Variants in PCSK6 observed in about 807,000 individuals in gnomAD.
PCSK6 encodes paired basic amino acid cleaving enzyme 4.
PCSK6 carries 85 observed loss-of-function variants against 123.3 expected under a neutral mutation model. The ratio of observed to expected loss-of-function variants is 0.69; its 90% CI spans 0.58 to 0.83. The LOEUF (loss-of-function observed/expected upper bound fraction) is 0.83, where lower values mean the gene tolerates loss of function less well. Among genes scored for constraint, PCSK6 ranks in the 40% least tolerant of loss-of-function variants. The pLI is 0.00. For missense variants in PCSK6, 1,191 were observed against 1,282.3 expected (o/e 0.93, Z 1.09); for synonymous variants, 508 against 516.0 (o/e 0.98, Z 0.21).
chr15:101,365,562 G>T (rs192136388), intron 13 of PCSK6, among the ~76,000 whole-genome samples: 8 of 151,876 alleles, frequency 5.3e-5, no homozygotes, highest in Non-Finnish European at 1.5e-5. Flanking sequence ...TTAGGTATAC[G>T]CCCACGAGAA....
chr15:101,356,588 A>T (rs2041049649), intron 13 of PCSK6, among the ~76,000 whole-genome samples: 2 of 151,604 alleles, frequency 1.3e-5, no homozygotes, highest in South Asian at 4.2e-4. Context: ...GCTGAGGCAG[A>T]AGAATCGCTT....
At chr15:101,428,436 C>T (rs2056334305) in intron 5 of PCSK6, among the ~76,000 whole-genome samples, 1 of 152,218 alleles carries the variant, frequency 6.6e-6, no homozygotes, top group East Asian at 1.9e-4. Flanking sequence ...GTGCTGATGT[C>T]ACCTGCCTCA....
chr15:101,336,326 T>C (rs904413094), intron 13 of PCSK6, among the ~76,000 whole-genome samples: 1 of 152,240 alleles, frequency 6.6e-6, no homozygotes, highest in Non-Finnish European at 1.5e-5. Context: ...GAATAGAGAC[T>C]GGCACGCAGG....
intron 17 of PCSK6, 101 bp downstream of exon 17, chr15:101,324,749 A>G: frequency 1.0e-6 from 1 of 998,288 alleles, no homozygotes; most frequent in East Asian, 2.4e-5. Context: ...AACAAAATAC[A>G]CGGAAGCAGA....
At chr15:101,320,067 A>T (rs2040081890) in intron 18 of PCSK6, among the ~76,000 whole-genome samples, 1 of 151,296 alleles carries the variant, frequency 6.6e-6, no homozygotes, top group South Asian at 2.1e-4. Flanking sequence ...TAGCGTCAGA[A>T]TTGAGCTATT....
intron 7 of PCSK6, among the ~76,000 whole-genome samples, chr15:101,397,288 T>C (rs1404192525): frequency 6.6e-6 from 1 of 151,780 alleles, no homozygotes; most frequent in East Asian, 1.9e-4. Context: ...TGAAAACAGA[T>C]TCCTCCTCCG....
intron 9 of PCSK6, among the ~76,000 whole-genome samples, chr15:101,386,738 T>A (rs947703850): frequency 6.6e-6 from 1 of 152,216 alleles, no homozygotes; most frequent in South Asian, 2.1e-4. Context: ...TCTTCGTCCA[T>A]CATGGACACT....
chr15:101,381,894 A>G (rs1235677029), intron 11 of PCSK6, among the ~76,000 whole-genome samples, 198 bp downstream of exon 11: 1 of 152,254 alleles, frequency 6.6e-6, no homozygotes, highest in Admixed American at 6.5e-5. Context: ...GCCTCAAAAC[A>G]GTGGTGGCTT....
chr15:101,457,045 C>T (rs1346441281), intron 1 of PCSK6, among the ~76,000 whole-genome samples: 2 of 152,148 alleles, frequency 1.3e-5, no homozygotes, highest in Non-Finnish European at 2.9e-5. Context: ...TGGTGGTGCA[C>T]ACCTGTAATC....
chr15:101,475,534 G>A (rs1472047063), intron 1 of PCSK6, among the ~76,000 whole-genome samples: 1 of 152,152 alleles, frequency 6.6e-6, no homozygotes, highest in Non-Finnish European at 1.5e-5. Flanking sequence ...CGTCCAGGCT[G>A]GAGTGCGGTG....
In PCSK6 at chr15:101,364,832, G is replaced by A. The variant is rs541449789; in HGVS notation, c.1858+1364C>T. The A allele has an allele frequency of 6.8e-5, 37 of 545,482 alleles. 1 individual carries two copies. In the South Asian group the frequency reaches 9.5e-4, roughly 14 times the overall value. The allele number at this position is 545,482 out of a possible 1,614,324, so 33.8% of individuals were successfully genotyped here. ...TTCAAATTCACATGGAATTACACGGGACCCAAAATAGCCAAAACAATCTTG... is the reference window on the plus strand; with the variant it reads ...TTCAAATTCACATGGAATTACACGGAACCCAAAATAGCCAAAACAATCTTG... On this transcript the variant is annotated intron_variant, in intron 13 of 21. Coordinates refer to ENST00000611716, the MANE Select transcript of PCSK6 (RefSeq NM_002570.5).
At chr15:101,470,676 C>T (rs2057581775) in intron 1 of PCSK6, among the ~76,000 whole-genome samples, 1 of 152,186 alleles carries the variant, frequency 6.6e-6, no homozygotes, top group Admixed American at 6.5e-5. Context: ...TCTCCCCACC[C>T]CCACTTCTCC....
chr15:101,471,077 A>G (rs1386576112), intron 1 of PCSK6, among the ~76,000 whole-genome samples: 53 of 151,986 alleles, frequency 3.5e-4, no homozygotes, highest in Non-Finnish European at 1.5e-5. Context: ...GCTCATTTAC[A>G]TTTACTGGGA....
chr15:101,369,528 C>T (rs754956688), intron 12 of PCSK6, among the ~76,000 whole-genome samples: 32 of 152,346 alleles, frequency 2.1e-4, no homozygotes, highest in Non-Finnish European at 4.3e-4. Flanking sequence ...GGCACAGTGC[C>T]AGTCCTGGTT....
At chr15:101,374,391 C>T (rs926248910) in intron 11 of PCSK6, among the ~76,000 whole-genome samples, 4 of 152,280 alleles carry the variant, frequency 2.6e-5, no homozygotes, top group African/African-American at 7.2e-5. Context: ...TGAAACCCTC[C>T]GCCTCAAGCT....
Position 101,357,164 on chromosome 15 carries a change from G to A in PCSK6, c.1858+9032C>T, listed in dbSNP as rs2041067889. 3.3e-5 allele frequency among the ~76,000 whole-genome samples: 5 copies of A among 152,220 alleles called. No homozygotes were observed. The South Asian group carries it at 1.0e-3, about 32-fold the overall frequency. On this transcript the variant is annotated intron_variant, in intron 13 of 21. Coordinates refer to ENST00000611716, the MANE Select transcript of PCSK6 (RefSeq NM_002570.5). ...AACGAAGCACCCTGCCCCAAGCACAGGTTCTTGGAATGCCTGTAGAGAAGT... is the reference window on the plus strand; with the variant it reads ...AACGAAGCACCCTGCCCCAAGCACAAGTTCTTGGAATGCCTGTAGAGAAGT...
At position 101,430,092 on chromosome 15, in the gene PCSK6, A is replaced by G. The variant is rs907160577; in HGVS notation, c.658-29T>C. 9 of 1,589,674 alleles carry G rather than the reference A, an allele frequency of 5.7e-6. No homozygotes were observed. In the African/African-American group the frequency reaches 1.1e-4, roughly 19 times the overall value. On this transcript the variant is annotated intron_variant, in intron 4 of 21. Transcript: ENST00000611716. ...AGAAATGGAATCGTGGTGAGTGAGG[A>G]GAAATGGCATGTGACAGCTCTGTTT...
At chr15:101,427,013 C>T (rs1360887489) in intron 6 of PCSK6, among the ~76,000 whole-genome samples, 1 of 152,254 alleles carries the variant, frequency 6.6e-6, no homozygotes, top group Non-Finnish European at 1.5e-5. Context: ...GCTGCCCCCA[C>T]TTGCTCAGTT....
At chr15:101,411,012 C>T (rs943425681) in intron 6 of PCSK6, among the ~76,000 whole-genome samples, 8 of 152,218 alleles carry the variant, frequency 5.3e-5, no homozygotes, top group South Asian at 2.1e-4. Flanking sequence ...AGACTGAGCA[C>T]GCAGCCTACC....
Sources: allele counts gnomAD v4.1 joint callset (sites outside exome capture counted in the v4.1 genomes callset), GRCh38; gene constraint gnomAD v4.1.1; transcripts MANE v1.5; gene names NCBI Gene and HGNC (gene_info 2026-07-23, HGNC 2026-07-21).